The following GCNT2 variants were observed in gnomAD, a reference collection of about 807,000 sequenced individuals.
The protein encoded by GCNT2 is N-acetyllactosaminide beta-1,6-N-acetylglucosaminyl-transferase.
Under a neutral mutation model 34.2 loss-of-function variants are expected in GCNT2, and 34 were observed. The observed-to-expected ratio is 1.00, with a 90% CI of 0.76 to 1.32. GCNT2 has a LOEUF of 1.32. Ranked by LOEUF, GCNT2 falls within the 40% of genes most tolerant of loss-of-function variation. The pLI is 0.00. For synonymous variants in GCNT2, 212 were observed against 188.0 expected (o/e 1.13, Z -1.04); for missense variants, 584 against 489.4 (o/e 1.19, Z -1.82).
At chr6:10,568,283 C>G (rs1008153845) in intron 3 of GCNT2, among the ~76,000 whole-genome samples, 1 of 152,112 alleles carries the variant, frequency 6.6e-6, no homozygotes, top group African/African-American at 2.4e-5. Flanking sequence ...TCCCCACACA[C>G]CCAGCTTTCC....
chr6:10,556,574 T>G, intron 3 of GCNT2: 1 of 1,614,188 alleles, frequency 6.2e-7, no homozygotes, highest in African/African-American at 1.3e-5. Context: ...TTGCACATCT[T>G]TTATCAATGG....
intron 3 of GCNT2, among the ~76,000 whole-genome samples, chr6:10,588,090 A>G (rs376256806): frequency 1.3e-4 from 20 of 152,310 alleles, no homozygotes; most frequent in Middle Eastern, 6.8e-3. Flanking sequence ...TAAGAGCTAA[A>G]CTAGAGTGGT....
In GCNT2 at chr6:10,549,561, C is replaced by CTTTTTTTTT. The variant is rs1425642393; in HGVS notation, c.925+19726_925+19727insTTTTTTTTT. On this transcript the variant is annotated intron_variant, in intron 3 of 4. Transcript: ENST00000495262. ...ACTTCCTTTCTCTCTCAATCTCTCT[C>CTTTTTTTTT]TCTTTTTTTTTTTTTTTTTTTTTTT... 1.3e-4 allele frequency among the ~76,000 whole-genome samples: 14 copies of CTTTTTTTTT among 111,296 alleles called. 1 individual carries two copies. Among genetic ancestry groups the CTTTTTTTTT allele is most frequent in the African/African-American group, 5.9e-4 (14 of 23,628 alleles). 73.0% of individuals were successfully genotyped at this position (111,296 alleles called of 152,430 possible). A position where few individuals can be genotyped will look rare whatever the true frequency, so the allele number is the denominator to read the frequency against.
chr6:10,553,624 T>G (rs572382225), intron 3 of GCNT2, among the ~76,000 whole-genome samples: 2 of 152,356 alleles, frequency 1.3e-5, no homozygotes, highest in East Asian at 3.9e-4. Context: ...CCGGGCGTGG[T>G]GGCTCACGCC....
intron 3 of GCNT2, among the ~76,000 whole-genome samples, chr6:10,554,943 A>T (rs1762628648): frequency 6.6e-6 from 1 of 152,190 alleles, no homozygotes. Flanking sequence ...TCAGGAAATG[A>T]TGTGTCATTT....
At chr6:10,600,758 A>C (rs1383850946) in intron 3 of GCNT2, among the ~76,000 whole-genome samples, 5 of 151,406 alleles carry the variant, frequency 3.3e-5, no homozygotes, top group Admixed American at 1.3e-4. Flanking sequence ...AGGCAGTTTT[A>C]TTTTTATTTA....
At chr6:10,538,055 G>C (rs1477494884) in intron 3 of GCNT2, among the ~76,000 whole-genome samples, 1 of 152,004 alleles carries the variant, frequency 6.6e-6, no homozygotes, top group African/African-American at 2.4e-5. Context: ...ACATTCAAAA[G>C]TCAAAATATG....
intron 4 of GCNT2, among the ~76,000 whole-genome samples, chr6:10,621,820 C>G (rs1419991231): frequency 6.6e-6 from 1 of 152,292 alleles, no homozygotes; most frequent in South Asian, 2.1e-4. Context: ...GGCCTCACAC[C>G]TCAGCCTCCC....
chr6:10,604,086 G>T (rs1348480907), intron 3 of GCNT2, among the ~76,000 whole-genome samples: 1 of 151,826 alleles, frequency 6.6e-6, no homozygotes, highest in Non-Finnish European at 1.5e-5. Context: ...TAGTAGAGAT[G>T]AGGTTTCACA....
intron 3 of GCNT2, among the ~76,000 whole-genome samples, chr6:10,583,511 T>TC (rs889924063): frequency 6.6e-5 from 10 of 152,192 alleles, no homozygotes; most frequent in African/African-American, 2.2e-4. Context: ...TCCGCATCAA[T>TC]CCCCAGTGCA....
At chr6:10,527,380 G>C (rs905881876) in intron 1 of GCNT2, 94 bp from the exon 2 acceptor site, 2 of 152,560 alleles carry the variant, frequency 1.3e-5, no homozygotes, top group African/African-American at 4.8e-5. Flanking sequence ...AGCCGAGATC[G>C]TGCCATTGCA....
intron 3 of GCNT2, among the ~76,000 whole-genome samples, chr6:10,548,765 CT>C (rs55678541): frequency 2.2e-3 from 324 of 145,396 alleles, no homozygotes; most frequent in East Asian, 4.4e-3. Context: ...ATTTGGAGAC[CT>C]TTTTTTTTTT....
At chr6:10,585,746 A>C in intron 3 of GCNT2, 1 of 1,398,202 alleles carries the variant, frequency 7.2e-7, no homozygotes, top group Non-Finnish European at 9.3e-7. Flanking sequence ...GCAGGGATTC[A>C]ACCCTGGGGA....
intron 3 of GCNT2, among the ~76,000 whole-genome samples, chr6:10,569,873 CTTTCTCTT>C (rs1763469524): frequency 1.4e-5 from 2 of 147,618 alleles, no homozygotes; most frequent in South Asian, 2.1e-4. Context: ...TTCTTTCTTT[CTTTCTCTT>C]TCTTTTTCTT....
chr6:10,554,907 T>G (rs1762625868), intron 3 of GCNT2, among the ~76,000 whole-genome samples: 1 of 152,056 alleles, frequency 6.6e-6, no homozygotes, highest in Admixed American at 6.6e-5. Context: ...ACAATGAAAG[T>G]TAGAAGAATG....
intron 3 of GCNT2, among the ~76,000 whole-genome samples, chr6:10,573,619 A>G (rs1416003353): frequency 6.6e-6 from 1 of 152,240 alleles, no homozygotes; most frequent in Non-Finnish European, 1.5e-5. Context: ...AGTAATTTTT[A>G]GAAGCTTTCT....
chr6:10,556,967 T>C (rs774780221), intron 3 of GCNT2: 2 of 1,614,034 alleles, frequency 1.2e-6, no homozygotes, highest in East Asian at 4.5e-5. Flanking sequence ...CGAGGTCTCA[T>C]GGAAGTACGT....
intron 3 of GCNT2, among the ~76,000 whole-genome samples, chr6:10,585,032 A>AGTGTGTGTGTGTGT (rs57538079): frequency 1.6e-5 from 2 of 127,482 alleles, no homozygotes; most frequent in Non-Finnish European, 1.6e-5. Context: ...TCCCATAGTC[A>AGTGTGTGTGTGTGT]GTGTGTGTGT....
chr6:10,592,120 A>T (rs1398775316), intron 3 of GCNT2, among the ~76,000 whole-genome samples: 2 of 152,236 alleles, frequency 1.3e-5, no homozygotes, highest in Admixed American at 6.5e-5. Flanking sequence ...GTTCGAGTCT[A>T]AAATAACGCT....
Sources: gnomAD v4.1 joint callset for allele counts (sites outside exome capture counted in the v4.1 genomes callset) on GRCh38, gnomAD v4.1.1 for gene constraint, MANE v1.5 for transcripts, NCBI Gene and HGNC (gene_info 2026-07-23, HGNC 2026-07-21) for gene names.